Variants in ARAP1 observed in about 807,000 individuals in gnomAD.
ARAP1 encodes the protein ArfGAP with RhoGAP domain, ankyrin repeat and PH domain 1.
In ARAP1, 76 loss-of-function variants were observed where a neutral mutation model predicts 172.2. That is an observed-to-expected ratio of 0.44 (90% CI 0.37 to 0.53). The LOEUF is 0.53. ARAP1 is among the 20% of genes least tolerant of loss of function. The probability of loss-of-function intolerance (pLI) is 0.00; values close to 1 mark genes in which losing one functional copy is unlikely to be tolerated. For missense variants in ARAP1, 1,686 were observed against 1,977.5 expected, an observed-to-expected ratio of 0.85 and a Z score of 2.80; for synonymous variants, 804 against 803.3, an observed-to-expected ratio of 1.00 and a Z score of -0.01.
chr11:72,751,326 G>A (rs535246289), intron 1 of ARAP1, among the ~76,000 whole-genome samples: 1 of 152,204 alleles, frequency 6.6e-6, no homozygotes, highest in Admixed American at 6.5e-5. Flanking sequence ...CACAAGCTAC[G>A]CCCTCGCCTT....
chr11:72,736,239 CT>C (rs61233618), intron 1 of ARAP1, among the ~76,000 whole-genome samples: 6,302 of 132,288 alleles, frequency 0.048, 164 homozygotes, highest in African/African-American at 0.11. Context: ...TTTTAGTTAC[CT>C]TTTTTTTTTT....
Position 72,697,941 on chromosome 11 carries a change from G to A in ARAP1, c.2707C>T (p.Pro903Ser). Residue 903 changes from proline (P) to serine (S), a missense_variant, in exon 19 of 35, where the codon CCG becomes TCG. This residue lies in a region of ARAP1 where 274 missense variants were observed against 262.7 expected (regional missense o/e 1.04). Coordinates refer to ENST00000393609, the MANE Select transcript of ARAP1 (RefSeq NM_001040118.3). ...TCCTGCAGTTTCCGTAGTTGCAGCGGCTCTTCGCAGGGCCCCTCCGGGAAG... is the reference window on the plus strand; with the variant it reads ...TCCTGCAGTTTCCGTAGTTGCAGCGACTCTTCGCAGGGCCCCTCCGGGAAG... ...AVFPEGPCEEPLQLRKLQELS... is the reference protein window; with the variant it reads ...AVFPEGPCEESLQLRKLQELS... 1 of 1,608,676 alleles carries A rather than the reference G, an allele frequency of 6.2e-7. No homozygotes were observed. The highest frequency in any genetic ancestry group is 8.5e-7 in the Non-Finnish European group (1 of 1,177,470).
chr11:72,746,313 C>T (rs1442324461), intron 1 of ARAP1, among the ~76,000 whole-genome samples: 1 of 152,164 alleles, frequency 6.6e-6, no homozygotes, highest in Non-Finnish European at 1.5e-5. Context: ...GGGAGACAGC[C>T]GGGTGTGTGC....
In ARAP1 at chr11:72,693,222, G is replaced by A. The variant is rs1856017187; in HGVS notation, c.3954+103C>T. 6.7e-7 allele frequency: 1 copy of A among 1,487,824 alleles called. No individual in the cohort carries two copies. Among genetic ancestry groups the A allele is most frequent in the Non-Finnish European group, 9.1e-7 (1 of 1,098,954 alleles). The allele number at this position is 1,487,824 out of a possible 1,614,324, so 92.2% of individuals were successfully genotyped here. On this transcript the variant is annotated intron_variant, in intron 29 of 34. Coordinates refer to ENST00000393609, the MANE Select transcript of ARAP1 (RefSeq NM_001040118.3). The surrounding 1 kb of genome is among the most constrained non-coding windows in gnomAD (Gnocchi z 4.6). ...CCCCCACTGCTGTGCCATCCTGAGA[G>A]CCTGTAACGGGAATATTTCCACTTG...
chr11:72,749,499 T>C (rs1445268871), intron 1 of ARAP1, among the ~76,000 whole-genome samples: 1 of 152,138 alleles, frequency 6.6e-6, no homozygotes, highest in African/African-American at 2.4e-5. Flanking sequence ...TATTGGAGGG[T>C]GATGGTCGTC....
intron 18 of ARAP1, among the ~76,000 whole-genome samples, chr11:72,698,781 A>G (rs574689224): frequency 3.3e-5 from 5 of 152,290 alleles, no homozygotes; most frequent in Non-Finnish European, 7.4e-5. Context: ...ATGGAGTGCA[A>G]GGCCCACAGC....
rs1455939949 is a variant in ARAP1 at position 72,725,170 on chromosome 11, G to A, written c.509+1450C>T. Among the ~76,000 whole-genome samples the A allele has an allele frequency of 6.6e-6, 1 of 152,138 alleles. No homozygotes were observed. Among genetic ancestry groups the A allele is most frequent in the Non-Finnish European group, 1.5e-5 (1 of 68,018 alleles). On this transcript the variant is annotated intron_variant, in intron 3 of 34. Transcript: ENST00000393609. The surrounding 1 kb of genome is among the most constrained non-coding windows in gnomAD (Gnocchi z 4.3). ...AACCCAGGCCTCCACTGCCCGTCCG[G>A]GAGTCACAGGAAGGGCCTGAGAGGG...
chr11:72,723,788 C>T (rs1358732417), intron 3 of ARAP1, among the ~76,000 whole-genome samples: 1 of 152,226 alleles, frequency 6.6e-6, no homozygotes, highest in Non-Finnish European at 1.5e-5. Flanking sequence ...AGGCATCCAG[C>T]ACTGTTCTAG....
In ARAP1 at chr11:72,704,287, G is replaced by A. The variant is rs2135524727; in HGVS notation, c.1857C>T (p.Ala619=). The A allele has an allele frequency of 6.2e-7, 1 of 1,611,594 alleles. No individual in the cohort carries two copies. The highest frequency in any genetic ancestry group is 2.2e-5 in the East Asian group (1 of 44,850). ...GCAGGGCCTCACTGGGGGGCACGTT[G>A]GCTGCCCAGAAGCGGTTCCCAGCGC... ...GNGAGNRFWA[A]NVPPSEALQP... is the part of the protein sequence containing the mutation. The change falls in exon 14 of 35, where the codon GCC becomes GCT. Residue 619 remains alanine, a synonymous_variant. Coordinates refer to ENST00000393609, the MANE Select transcript of ARAP1 (RefSeq NM_001040118.3).
intron 31 of ARAP1, among the ~76,000 whole-genome samples, chr11:72,688,069 G>A (rs766378246): frequency 3.3e-5 from 5 of 151,928 alleles, no homozygotes; most frequent in Admixed American, 6.6e-5. Context: ...TCGTGACTAC[G>A]GATCACTGCA....
In ARAP1 at chr11:72,697,429, G is replaced by T; in HGVS notation, c.2847C>A (p.Ile949=). ...CCCCCATGCTGGCGGCTGCTTTCTG[G>T]ATGGCCCCCAGCCAACCCATGAAGT... ...RLDFMGWLGA[I]QKAAASMGDT... Residue 949 remains isoleucine (I), a synonymous_variant, in exon 21 of 35, where the codon ATC becomes ATA. Coordinates refer to ENST00000393609, the MANE Select transcript of ARAP1 (RefSeq NM_001040118.3). 6.2e-7 allele frequency: 1 copy of T among 1,612,330 alleles called. No homozygotes were observed. The highest frequency in any genetic ancestry group is 2.2e-5 in the East Asian group (1 of 44,854).
chr11:72,734,271 C>A (rs1473406538), intron 1 of ARAP1, among the ~76,000 whole-genome samples: 2 of 151,908 alleles, frequency 1.3e-5, no homozygotes, highest in African/African-American at 4.8e-5. Context: ...CAAGTGCATG[C>A]CACTGTGCCC....
At chr11:72,700,357 TAGGAA>T (rs1240990300) in intron 16 of ARAP1, 2 of 152,454 alleles carry the variant, frequency 1.3e-5, no homozygotes, top group African/African-American at 4.8e-5. Context: ...TTTGTCCCCG[TAGGAA>T]AGCATGCAGG....
In ARAP1 at chr11:72,711,590, G is replaced by A. The variant is rs1264801446; in HGVS notation, c.1023-91C>T. On this transcript the variant is annotated intron_variant, in intron 7 of 34. Coordinates refer to ENST00000393609, the MANE Select transcript of ARAP1 (RefSeq NM_001040118.3). ...AGCCCTCAGAAGCCACACTCAGAGT[G>A]AGGATCAGCCAGGTTCTAGGGAGGA... The A allele has an allele frequency of 9.0e-6, 10 of 1,106,164 alleles. No homozygotes were observed. The East Asian group carries it at 9.6e-5, about 11-fold the overall frequency. 68.5% of individuals were successfully genotyped at this position (1,106,164 alleles called of 1,614,324 possible).
rs1324650729 is a variant in ARAP1 at position 72,725,084 on chromosome 11, G to A, written c.509+1536C>T. On this transcript the variant is annotated intron_variant, in intron 3 of 34. Transcript: ENST00000393609. The surrounding 1 kb of genome is among the most constrained non-coding windows in gnomAD (Gnocchi z 4.3). Reference sequence around the variant, plus strand: ...TGGGGAAACAGGCCCAGAGAAGCAGGTCCTCATCAGAGTCACAAAGCTAGC... The same window carrying A: ...TGGGGAAACAGGCCCAGAGAAGCAGATCCTCATCAGAGTCACAAAGCTAGC... Among the ~76,000 whole-genome samples the A allele has an allele frequency of 1.3e-5, 2 of 152,146 alleles. No individual in the cohort carries two copies. The highest frequency in any genetic ancestry group is 6.5e-5 in the Admixed American group (1 of 15,286).
chr11:72,686,244 C>T, intron 33 of ARAP1, 53 bp from the exon 34 acceptor site: 1 of 1,576,218 alleles, frequency 6.3e-7, no homozygotes, highest in Non-Finnish European at 8.6e-7. Context: ...CCCAGACACT[C>T]AGCCTCAGAT....
rs558750606 is a variant in ARAP1, at chr11:72,725,305, T to C, written c.509+1315A>G. Among the ~76,000 whole-genome samples the C allele has an allele frequency of 1.0e-3, 153 of 151,730 alleles. No homozygotes were observed. The highest frequency in any genetic ancestry group is 1.9e-3 in the Non-Finnish European group (130 of 67,924). On this transcript the variant is annotated intron_variant, in intron 3 of 34. Coordinates refer to ENST00000393609, the MANE Select transcript of ARAP1 (RefSeq NM_001040118.3). The surrounding 1 kb of genome is among the most constrained non-coding windows in gnomAD (Gnocchi z 4.3). ...TCTTCTCTCTTCTAACCTCTCTCTC[T>C]CTCTCTCTCTCTCTTTTTCTCTCTC...
In ARAP1 at chr11:72,711,575, A is replaced by C. The variant is rs1857013093; in HGVS notation, c.1023-76T>G. On this transcript the variant is annotated intron_variant, in intron 7 of 34. Transcript: ENST00000393609. ...TTCCAGGACCACCCCAGCCCTCAGA[A>C]GCCACACTCAGAGTGAGGATCAGCC... 5.5e-6 allele frequency: 7 copies of C among 1,264,894 alleles called. No homozygotes were observed. In the South Asian group the frequency reaches 8.5e-5, roughly 15 times the overall value. 78.4% of individuals were successfully genotyped at this position (1,264,894 alleles called of 1,614,324 possible). A position where few individuals can be genotyped will look rare whatever the true frequency, so the allele number is the denominator to read the frequency against.
chr11:72,737,418 ATCACCCCTTCTCT>A (rs1858063450), intron 1 of ARAP1, among the ~76,000 whole-genome samples: 1 of 151,966 alleles, frequency 6.6e-6, no homozygotes, highest in Admixed American at 6.5e-5. Flanking sequence ...TTCAAATCTC[ATCACCCCTTCTCT>A]GTCCCAGCCC....
Sources: allele counts gnomAD v4.1 joint callset (sites outside exome capture counted in the v4.1 genomes callset), GRCh38; gene constraint gnomAD v4.1.1; regional missense constraint gnomAD v4.1.1; non-coding constraint Gnocchi (gnomAD v3.1); transcripts MANE v1.5; gene names NCBI Gene and HGNC (gene_info 2026-07-23, HGNC 2026-07-21).